The following NRXN3 variants were observed in gnomAD, a reference collection of about 807,000 sequenced individuals.
NRXN3 encodes neurexin III.
A neutral mutation model predicts 137.6 loss-of-function variants in NRXN3; 32 were observed. The observed-to-expected ratio is 0.23, with a 90% CI of 0.18 to 0.31. The LOEUF (loss-of-function observed/expected upper bound fraction) is 0.31. Among genes scored for constraint, NRXN3 ranks in the 10% least tolerant of loss-of-function variants. NRXN3 has a pLI of 1.00. For synonymous variants in NRXN3, 798 were observed against 784.5 expected (o/e 1.02, Z -0.29); for missense variants, 1,574 against 2,062.5 (o/e 0.76, Z 4.59).
At chr14:78,293,235 C>G (rs757065980) in intron 3 of NRXN3, among the ~76,000 whole-genome samples, 3 of 152,180 alleles carry the variant, frequency 2.0e-5, no homozygotes, top group Non-Finnish European at 4.4e-5. Context: ...GGCTCCAACC[C>G]CTTTTCCTTT....
chr14:78,312,900 A>G (rs1011758409), intron 4 of NRXN3, among the ~76,000 whole-genome samples: 1 of 152,210 alleles, frequency 6.6e-6, no homozygotes, highest in Non-Finnish European at 1.5e-5. Context: ...GTTTTCTACT[A>G]TGTGCTCCGC....
chr14:78,482,442 G>T (rs2095488934), intron 4 of NRXN3, among the ~76,000 whole-genome samples: 1 of 152,112 alleles, frequency 6.6e-6, no homozygotes, highest in South Asian at 2.1e-4. Flanking sequence ...GAGTCCTCAA[G>T]GGGAGACAAT....
chr14:79,462,935 T>TATGTATATGTATATGTACATACACATA (rs2096372067), intron 15 of NRXN3, among the ~76,000 whole-genome samples: 1 of 145,052 alleles, frequency 6.9e-6, no homozygotes, highest in African/African-American at 2.8e-5. Flanking sequence ...TATATATTAT[T>TATGTATATGTATATGTACATACACATA]TGTATATCTA....
chr14:78,215,706 G>A (rs1031480001), intron 1 of NRXN3, among the ~76,000 whole-genome samples: 4 of 141,100 alleles, frequency 2.8e-5, no homozygotes, highest in African/African-American at 5.3e-5. Flanking sequence ...GTTTCCTGCC[G>A]CTGCTTTGTT....
chr14:78,279,291 G>A (rs2074067117), intron 3 of NRXN3, among the ~76,000 whole-genome samples: 1 of 152,178 alleles, frequency 6.6e-6, no homozygotes. Context: ...TTTAAAGTGT[G>A]TCTTCATCCA....
At chr14:79,083,241 G>A (rs1412997164) in intron 15 of NRXN3, among the ~76,000 whole-genome samples, 6 of 152,152 alleles carry the variant, frequency 3.9e-5, no homozygotes, top group African/African-American at 1.4e-4. Flanking sequence ...ACTCTGTCAG[G>A]AGTATTGGCA....
Position 79,697,838 on chromosome 14 carries a change from G to A in NRXN3, c.3915G>A (p.Thr1305=), listed in dbSNP as rs1393207782. 9 of 1,613,146 alleles carry A rather than the reference G, an allele frequency of 5.6e-6. No homozygotes were observed. The highest frequency in any genetic ancestry group is 2.2e-5 in the East Asian group (1 of 44,824). Residue 1305 remains threonine (T), a synonymous_variant, in exon 19 of 21, where the codon ACG becomes ACA. Coordinates refer to ENST00000335750, the MANE Select transcript of NRXN3 (RefSeq NM_001330195.2). ...EVPSILGTTQ[T]TSMPPEMSTT... is the part of the protein sequence containing the mutation. ...CATCAATTTTGGGAACAACACAGAC[G>A]ACCTCCATGCCACCAGAAATGTCTA...
rs138563406 is a variant in NRXN3 at position 79,410,262 on chromosome 14, C to T, written c.3263-56959C>T. Reference sequence around the variant, plus strand: ...AACCACACAGATTCATTTATTTTACCTTCTCATTAATTAGACCCTCAAGCC... The same window carrying T: ...AACCACACAGATTCATTTATTTTACTTTCTCATTAATTAGACCCTCAAGCC... On this transcript the variant is annotated intron_variant, in intron 15 of 20. Coordinates refer to ENST00000335750, the MANE Select transcript of NRXN3 (RefSeq NM_001330195.2). 8.6e-3 allele frequency among the ~76,000 whole-genome samples: 1,313 copies of T among 151,938 alleles called. 14 individuals carry two copies. The highest frequency in any genetic ancestry group is 0.03 in the African/African-American group (1,235 of 41,482).
chr14:79,147,534 C>G (rs1278279462), intron 15 of NRXN3, among the ~76,000 whole-genome samples: 1 of 152,178 alleles, frequency 6.6e-6, no homozygotes, highest in Non-Finnish European at 1.5e-5. Context: ...ACTTGAGGAA[C>G]CTAGTTTCTT....
chr14:79,048,901 T>A (rs1349621312), intron 15 of NRXN3, among the ~76,000 whole-genome samples: 1 of 148,154 alleles, frequency 6.7e-6, no homozygotes, highest in Non-Finnish European at 1.5e-5. Context: ...CGCGTGCCTG[T>A]AGTCCCAGCT....
intron 16 of NRXN3, among the ~76,000 whole-genome samples, chr14:79,496,134 C>CAAAGTT (rs2096764109): frequency 1.3e-5 from 2 of 151,888 alleles, no homozygotes; most frequent in East Asian, 3.9e-4. Flanking sequence ...GATTAATTTA[C>CAAAGTT]AAAGTTTTCT....
chr14:78,641,866 C>T (rs138102934), intron 4 of NRXN3, among the ~76,000 whole-genome samples: 4 of 152,322 alleles, frequency 2.6e-5, no homozygotes, highest in Admixed American at 1.3e-4. Context: ...TTTTCTTCCT[C>T]ACGTTGGTTT....
intron 15 of NRXN3, among the ~76,000 whole-genome samples, chr14:79,070,473 A>C (rs1358849736): frequency 1.3e-5 from 2 of 152,178 alleles, no homozygotes; most frequent in African/African-American, 4.8e-5. Flanking sequence ...TGAGTAATTA[A>C]AGAGTCTTCA....
chr14:79,199,771 G>C (rs1021812421), intron 15 of NRXN3, among the ~76,000 whole-genome samples: 2 of 152,138 alleles, frequency 1.3e-5, no homozygotes, highest in Non-Finnish European at 2.9e-5. Flanking sequence ...CCCAGCTTGA[G>C]CAAAGGATCA....
intron 16 of NRXN3, among the ~76,000 whole-genome samples, chr14:79,628,257 T>C (rs2098303911): frequency 6.6e-6 from 1 of 152,242 alleles, no homozygotes; most frequent in Non-Finnish European, 1.5e-5. Flanking sequence ...TCTGATAGTC[T>C]ACATTTGTGG....
chr14:78,942,384 G>A (rs1206321407), intron 10 of NRXN3, among the ~76,000 whole-genome samples: 3 of 152,194 alleles, frequency 2.0e-5, no homozygotes, highest in Admixed American at 6.5e-5. Flanking sequence ...GCCACAATGA[G>A]TGTTTCAGAG....
At chr14:78,248,487 A>C (rs190160318) in intron 2 of NRXN3, among the ~76,000 whole-genome samples, 124 of 151,580 alleles carry the variant, frequency 8.2e-4, no homozygotes, top group Admixed American at 1.3e-3. Context: ...CAAGACTAGG[A>C]TGGAATGGCA....
chr14:79,406,127 C>T (rs2095306279), intron 15 of NRXN3, among the ~76,000 whole-genome samples: 1 of 152,022 alleles, frequency 6.6e-6, no homozygotes. Context: ...TCCCTATCAC[C>T]ATAGTTGCCA....
chr14:79,817,627 G>T (rs985659713), intron 20 of NRXN3, among the ~76,000 whole-genome samples: 7 of 152,086 alleles, frequency 4.6e-5, no homozygotes, highest in African/African-American at 1.2e-4. Flanking sequence ...AATTATCAAG[G>T]TCACACAGCA....
Sources: allele counts gnomAD v4.1 joint callset (sites outside exome capture counted in the v4.1 genomes callset), GRCh38; gene constraint gnomAD v4.1.1; transcripts MANE v1.5; gene names NCBI Gene and HGNC (gene_info 2026-07-23, HGNC 2026-07-21).